HNRNPD: variants seen among roughly 807,000 people sequenced by gnomAD.
HNRNPD encodes the protein heterogeneous nuclear ribonucleoprotein D0.
In HNRNPD, 3 loss-of-function variants were observed where a neutral mutation model predicts 47.9. The ratio of observed to expected loss-of-function variants is 0.06; its 90% CI spans 0.03 to 0.16. The LOEUF is 0.16. Ranked by LOEUF, HNRNPD falls within the 10% of genes least tolerant of loss-of-function variation. The probability of loss-of-function intolerance (pLI) is 1.00; values close to 1 mark genes in which losing one functional copy is unlikely to be tolerated. For missense variants in HNRNPD, 287 were observed against 454.2 expected (o/e 0.63, Z 3.35); for synonymous variants, 171 against 165.1 (o/e 1.04, Z -0.28).
At position 82,352,923 on chromosome 4, in the gene HNRNPD, G is replaced by A. The variant is rs1723559191; in HGVS notation, c.*1262C>T. ...TCCATCACTTCACTACTATAGAACTGTATAATAATACATTTCTCATTTGTT... is the reference window on the plus strand; with the variant it reads ...TCCATCACTTCACTACTATAGAACTATATAATAATACATTTCTCATTTGTT... On this transcript the variant is annotated 3_prime_UTR_variant, in exon 9 of 9. Coordinates refer to ENST00000313899, the MANE Select transcript of HNRNPD (RefSeq NM_031370.3). 1 of 152,136 alleles carries A rather than the reference G, an allele frequency of 6.6e-6. No individual in the cohort carries two copies. Among genetic ancestry groups the A allele is most frequent in the Non-Finnish European group, 1.5e-5 (1 of 68,022 alleles). The allele number at this position is 152,136 out of a possible 1,614,324, so 9.4% of individuals were successfully genotyped here. A position where few individuals can be genotyped will look rare whatever the true frequency, so the allele number is the denominator to read the frequency against.
chr4:82,355,493 A>T lies in HNRNPD; in HGVS notation c.1001-92T>A. ...AATTTTAAACAATCTCAAAAAATTA[A>T]GGGTAGCTTAATTCCCAAGTGTGAA... On this transcript the variant is annotated intron_variant, in intron 7 of 8. Coordinates refer to ENST00000313899, the MANE Select transcript of HNRNPD (RefSeq NM_031370.3). 1.2e-5 allele frequency: 11 copies of T among 901,996 alleles called. 1 individual carries two copies. In the South Asian group the frequency reaches 1.6e-4, roughly 13 times the overall value. The allele number at this position is 901,996 out of a possible 1,614,324, so 55.9% of individuals were successfully genotyped here. A position where few individuals can be genotyped will look rare whatever the true frequency, so the allele number is the denominator to read the frequency against.
At chr4:82,369,709 A>G (rs539056914) in intron 2 of HNRNPD, among the ~76,000 whole-genome samples, 6 of 150,280 alleles carry the variant, frequency 4.0e-5, no homozygotes, top group Non-Finnish European at 8.9e-5. Flanking sequence ...AAGAGAGAGA[A>G]AAAAGTCTGA....
At chr4:82,373,330 G>A (rs1720187989) in intron 1 of HNRNPD, 116 bp downstream of exon 1, 4 of 1,359,052 alleles carry the variant, frequency 2.9e-6, no homozygotes, top group South Asian at 1.4e-5. Flanking sequence ...GTGCAAGGAG[G>A]CTGCATGGGG....
chr4:82,367,159 CTT>C (rs1719806661), intron 2 of HNRNPD, among the ~76,000 whole-genome samples: 1 of 151,664 alleles, frequency 6.6e-6, no homozygotes, highest in Non-Finnish European at 1.5e-5. Context: ...CGAGCCACTA[CTT>C]TAATTAACTT....
At chr4:82,372,287 T>C (rs1014229069) in intron 1 of HNRNPD, among the ~76,000 whole-genome samples, 2 of 152,194 alleles carry the variant, frequency 1.3e-5, no homozygotes, top group Non-Finnish European at 2.9e-5. Context: ...CCGTATTATG[T>C]TCCCAATCCC....
Position 82,373,970 on chromosome 4 carries a change from C to A in HNRNPD, c.-292G>T. ...CCTCCTCGCTTTAATGGCGCCGCCG[C>A]GGACCACCTAAAATGGCCGACGGAA... On this transcript the variant is annotated 5_prime_UTR_variant, in exon 1 of 9. Coordinates refer to ENST00000313899, the MANE Select transcript of HNRNPD (RefSeq NM_031370.3). The A allele has an allele frequency of 1.5e-6, 1 of 657,010 alleles. No individual in the cohort carries two copies. The highest frequency in any genetic ancestry group is 1.9e-5 in the African/African-American group (1 of 51,738). 40.7% of individuals were successfully genotyped at this position (657,010 alleles called of 1,614,324 possible). A position where few individuals can be genotyped will look rare whatever the true frequency, so the allele number is the denominator to read the frequency against.
intron 1 of HNRNPD, chr4:82,373,016 A>G (rs1041773885): frequency 1.3e-5 from 5 of 397,672 alleles, no homozygotes; most frequent in Middle Eastern, 3.6e-4. Context: ...CACCAAATAA[A>G]CCTTAGTAAT....
intron 4 of HNRNPD, 36 bp from the exon 5 acceptor site, chr4:82,357,480 G>C: frequency 6.4e-7 from 1 of 1,558,416 alleles, no homozygotes; most frequent in Non-Finnish European, 8.7e-7. Context: ...ATGCTAACAT[G>C]CATTTTATTG....
rs1234760045 is a variant in HNRNPD, at chr4:82,361,220, ATCTT to A, written c.291-1585_291-1582del. On this transcript the variant is annotated intron_variant, in intron 2 of 8. Coordinates refer to ENST00000313899, the MANE Select transcript of HNRNPD (RefSeq NM_031370.3). ...AATAGTGTGTACCTTCTAATATACA[ATCTT>A]TATTTACATAATTTGCTATAAACAC... 3.3e-5 allele frequency among the ~76,000 whole-genome samples: 5 copies of A among 152,158 alleles called. No individual in the cohort carries two copies. The East Asian group carries it at 9.6e-4, about 29-fold the overall frequency.
At chr4:82,370,447 G>A (rs1719982319) in intron 2 of HNRNPD, among the ~76,000 whole-genome samples, 1 of 152,084 alleles carries the variant, frequency 6.6e-6, no homozygotes, top group Non-Finnish European at 1.5e-5. Flanking sequence ...GCCACTATTA[G>A]CTAGCAGTGA....
At position 82,353,018 on chromosome 4, in the gene HNRNPD, T is replaced by A. The variant is rs748686214; in HGVS notation, c.*1167A>T. 6.6e-6 allele frequency: 1 copy of A among 152,202 alleles called. No individual in the cohort carries two copies. The highest frequency in any genetic ancestry group is 1.5e-5 in the Non-Finnish European group (1 of 68,032). 9.4% of individuals were successfully genotyped at this position (152,202 alleles called of 1,614,324 possible). On this transcript the variant is annotated 3_prime_UTR_variant, in exon 9 of 9. Coordinates refer to ENST00000313899, the MANE Select transcript of HNRNPD (RefSeq NM_031370.3). Reference sequence around the variant, plus strand: ...CACAGCCTTAGATTACCACTCAGGGTGGAACTCTTAACATTCACTTAAGTA... The same window carrying A: ...CACAGCCTTAGATTACCACTCAGGGAGGAACTCTTAACATTCACTTAAGTA...
At chr4:82,357,507 A>G (rs910936103) in intron 4 of HNRNPD, 63 bp from the exon 5 acceptor site, 2 of 1,404,266 alleles carry the variant, frequency 1.4e-6, no homozygotes, top group Non-Finnish European at 9.6e-7. Context: ...AAAGAAACAC[A>G]AGTTTAGAGG....
At chr4:82,361,060 T>C (rs1719391385) in intron 2 of HNRNPD, among the ~76,000 whole-genome samples, 1 of 152,236 alleles carries the variant, frequency 6.6e-6, no homozygotes, top group Non-Finnish European at 1.5e-5. Context: ...GTAGCATTTA[T>C]AAAACAACTT....
At chr4:82,373,178 G>C (rs1385428629) in intron 1 of HNRNPD, 5 of 661,310 alleles carry the variant, frequency 7.6e-6, no homozygotes, top group Non-Finnish European at 1.4e-5. Flanking sequence ...CCCATGGCGA[G>C]GGAGGAAAGG....
intron 7 of HNRNPD, chr4:82,356,261 C>G (rs1278809161): frequency 9.1e-6 from 3 of 329,982 alleles, no homozygotes; most frequent in Admixed American, 4.4e-5. Flanking sequence ...ATACCTTGAG[C>G]TTAAAAGATC....
chr4:82,373,097 A>C lies in HNRNPD; in HGVS notation c.233+349T>G, dbSNP rs545692015. The C allele has an allele frequency of 5.4e-4, 277 of 516,392 alleles. 1 individual carries two copies. The highest frequency in any genetic ancestry group is 5.0e-3 in the African/African-American group (264 of 52,432). The allele number at this position is 516,392 out of a possible 1,614,324, so 32.0% of individuals were successfully genotyped here. A position where few individuals can be genotyped will look rare whatever the true frequency, so the allele number is the denominator to read the frequency against. On this transcript the variant is annotated intron_variant, in intron 1 of 8. Coordinates refer to ENST00000313899, the MANE Select transcript of HNRNPD (RefSeq NM_031370.3). The stretch of plus-strand genomic sequence containing the variant: ...GTAGAAAAAGGGAAAAAGAGGGGAC[A>C]GCATGGAAAGAAAAAAGGTACCCCA...
intron 4 of HNRNPD, chr4:82,358,306 C>A: frequency 5.5e-6 from 1 of 180,520 alleles, no homozygotes; most frequent in South Asian, 1.3e-4. Context: ...ACATGCATTT[C>A]AACTGATAAG....
intron 7 of HNRNPD, chr4:82,355,823 G>A (rs970065478): frequency 5.8e-6 from 1 of 173,874 alleles, no homozygotes; most frequent in African/African-American, 2.4e-5. Context: ...ACCTTCTTCT[G>A]ACTTTAATTA....
At chr4:82,369,697 AAAAG>A (rs1255900572) in intron 2 of HNRNPD, among the ~76,000 whole-genome samples, 2 of 151,992 alleles carry the variant, frequency 1.3e-5, no homozygotes, top group Admixed American at 1.3e-4. Context: ...CAAAAAAAAA[AAAAG>A]AGAGAGAAAA....
Sources: allele counts gnomAD v4.1 joint callset (sites outside exome capture counted in the v4.1 genomes callset), GRCh38; gene constraint gnomAD v4.1.1; transcripts MANE v1.5; gene names NCBI Gene and HGNC (gene_info 2026-07-23, HGNC 2026-07-21).